Variants in CDYL observed in about 807,000 individuals in gnomAD.
CDYL encodes the protein chromodomain Y like.
A neutral mutation model predicts 47.3 loss-of-function variants in CDYL; 8 were observed. That is an observed-to-expected ratio of 0.17 (90% CI 0.10 to 0.31). The LOEUF (loss-of-function observed/expected upper bound fraction) is 0.31, where lower values mean the gene tolerates loss of function less well. Ranked by LOEUF, CDYL falls within the 10% of genes least tolerant of loss-of-function variation. The pLI is 1.00. For missense variants in CDYL, 471 were observed against 701.4 expected (o/e 0.67, Z 3.71); for synonymous variants, 266 against 265.0 (o/e 1.00, Z -0.04).
In CDYL at chr6:4,776,554, G is replaced by A; in HGVS notation, c.-230G>A. On this transcript the variant is annotated 5_prime_UTR_variant, in exon 1 of 7. Transcript: ENST00000397588. ...CGCGAGCCGGCCCGCCGGGGAGTGA[G>A]CGCGGGGCGCCCAGGGCGCGTTGCG... is the stretch of plus-strand genomic sequence containing the variant. The A allele has an allele frequency of 5.5e-6, 1 of 180,900 alleles. No homozygotes were observed. Among genetic ancestry groups the A allele is most frequent in the Non-Finnish European group, 1.1e-5 (1 of 90,196 alleles). The allele number at this position is 180,900 out of a possible 1,614,324, so 11.2% of individuals were successfully genotyped here.
intron 1 of CDYL, among the ~76,000 whole-genome samples, chr6:4,885,335 T>G (rs1010195679): frequency 6.6e-6 from 1 of 152,186 alleles, no homozygotes; most frequent in African/African-American, 2.4e-5. Context: ...AGCAGGGTGA[T>G]GAAATTTTAT....
chr6:4,920,995 C>CTGTT (rs1757696807), intron 2 of CDYL, among the ~76,000 whole-genome samples: 1 of 150,676 alleles, frequency 6.6e-6, no homozygotes, highest in African/African-American at 2.4e-5. Flanking sequence ...CATGATACAT[C>CTGTT]TGTGTGTGTG....
At position 4,718,923 on chromosome 6, in the gene CDYL, TC is replaced by T. The variant is rs1421236427; in HGVS notation, c.103+3043del. Among the ~76,000 whole-genome samples the T allele has an allele frequency of 1.3e-3, 191 of 149,642 alleles. 1 individual carries two copies. Among genetic ancestry groups the T allele is most frequent in the African/African-American group, 4.6e-3 (184 of 40,330 alleles). ...GGTTATTTCCACTGGTTTTTTTTTT[TC>T]TTTTTTTCTTTCTTTTCAGACAGAG... On this transcript the variant is annotated intron_variant, in intron 2 of 8. Transcript: ENST00000328908.
chr6:4,758,351 A>AAAAAAAAT (rs1554134098), intron 3 of CDYL, among the ~76,000 whole-genome samples: 2 of 129,074 alleles, frequency 1.5e-5, no homozygotes, highest in African/African-American at 6.1e-5. Context: ...AAAATAAATA[A>AAAAAAAAT]ATATATATAT....
At chr6:4,927,534 G>A (rs1210658725) in intron 2 of CDYL, among the ~76,000 whole-genome samples, 1 of 151,420 alleles carries the variant, frequency 6.6e-6, no homozygotes, top group East Asian at 1.9e-4. Flanking sequence ...TGCTGCCTCA[G>A]CCTCCTGAGT....
At chr6:4,770,012 T>C (rs2127425309) in intron 3 of CDYL, among the ~76,000 whole-genome samples, 1 of 148,216 alleles carries the variant, frequency 6.7e-6, no homozygotes, top group African/African-American at 2.5e-5. Context: ...TGTGTGTGTA[T>C]TTTTAGAAGA....
chr6:4,913,828 C>T (rs1241465125), intron 2 of CDYL, among the ~76,000 whole-genome samples: 2 of 152,270 alleles, frequency 1.3e-5, no homozygotes, highest in Non-Finnish European at 2.9e-5. Flanking sequence ...ATGAACGTGG[C>T]TTACAAAACT....
intron 1 of CDYL, among the ~76,000 whole-genome samples, chr6:4,811,754 A>G (rs1055120806): frequency 6.6e-5 from 10 of 151,972 alleles, no homozygotes; most frequent in Admixed American, 5.3e-4. Context: ...TACAGGCATG[A>G]GCCACCACCC....
chr6:4,787,471 G>A (rs1305494266), intron 1 of CDYL, among the ~76,000 whole-genome samples: 1 of 152,146 alleles, frequency 6.6e-6, no homozygotes, highest in East Asian at 1.9e-4. Flanking sequence ...CTAGATTGGG[G>A]CTGCTTAAAA....
At chr6:4,894,933 G>GTGTATA (rs1762167131) in intron 2 of CDYL, among the ~76,000 whole-genome samples, 1 of 17,326 alleles carries the variant, frequency 5.8e-5, no homozygotes, top group Non-Finnish European at 2.1e-3. Context: ...ATATGTATGT[G>GTGTATA]TGTATATGTG....
chr6:4,824,154 C>T (rs1759916333), intron 1 of CDYL, among the ~76,000 whole-genome samples: 1 of 152,124 alleles, frequency 6.6e-6, no homozygotes, highest in Non-Finnish European at 1.5e-5. Context: ...GCGTTGTTTC[C>T]ATATTTTGGC....
intron 3 of CDYL, among the ~76,000 whole-genome samples, chr6:4,736,281 G>A (rs1445706206): frequency 6.6e-6 from 1 of 152,180 alleles, no homozygotes. Context: ...TGCAATAGCT[G>A]TATGTTATAT....
At chr6:4,898,890 GCCA>G (rs1186687914) in intron 2 of CDYL, among the ~76,000 whole-genome samples, 1 of 152,208 alleles carries the variant, frequency 6.6e-6, no homozygotes, top group Non-Finnish European at 1.5e-5. Flanking sequence ...GCTTGCGTTT[GCCA>G]CTTGGAAGAG....
intron 3 of CDYL, among the ~76,000 whole-genome samples, chr6:4,936,926 T>C (rs1029574801): frequency 5.4e-4 from 83 of 152,366 alleles, no homozygotes; most frequent in African/African-American, 1.9e-3. Context: ...TATGTAGTTA[T>C]ATTTTACTCC....
chr6:4,854,081 A>G (rs977278946), intron 1 of CDYL, among the ~76,000 whole-genome samples: 12 of 152,132 alleles, frequency 7.9e-5, no homozygotes, highest in Admixed American at 7.9e-4. Context: ...GGTGTAGTTC[A>G]CTGTGCACAC....
At chr6:4,773,453 A>G (rs1419015623), upstream of CDYL, among the ~76,000 whole-genome samples, 2 of 152,236 alleles carry the variant, frequency 1.3e-5, no homozygotes, top group Non-Finnish European at 2.9e-5. The surrounding 1 kb of genome is among the most constrained non-coding windows in gnomAD (Gnocchi z 4.6). Flanking sequence ...ATTCCAAGTC[A>G]TTAAATAATC....
intron 4 of CDYL, among the ~76,000 whole-genome samples, chr6:4,942,611 A>G (rs1758393011): frequency 6.6e-6 from 1 of 152,238 alleles, no homozygotes; most frequent in African/African-American, 2.4e-5. Context: ...GTGAAATCAT[A>G]ACAAGAAACA....
At chr6:4,807,835 G>A (rs1759416182) in intron 1 of CDYL, among the ~76,000 whole-genome samples, 1 of 151,826 alleles carries the variant, frequency 6.6e-6, no homozygotes. Flanking sequence ...TGAACTCCTT[G>A]GGGTCAAGCG....
chr6:4,842,795 T>C (rs1040705157), intron 1 of CDYL, among the ~76,000 whole-genome samples: 2 of 152,220 alleles, frequency 1.3e-5, no homozygotes, highest in Non-Finnish European at 2.9e-5. Flanking sequence ...GTGCTATGAA[T>C]ACACAACATG....
Sources: allele counts gnomAD v4.1 joint callset (sites outside exome capture counted in the v4.1 genomes callset), GRCh38; gene constraint gnomAD v4.1.1; non-coding constraint Gnocchi (gnomAD v3.1); transcripts MANE v1.5; gene names NCBI Gene and HGNC (gene_info 2026-07-23, HGNC 2026-07-21).